The following PHF10 variants were observed in gnomAD, a reference collection of about 807,000 sequenced individuals.
PHF10 encodes BRG1-associated factor 45a.
Under a neutral mutation model 68.5 loss-of-function variants are expected in PHF10, and 51 were observed. That is an observed-to-expected ratio of 0.74 (90% CI 0.59 to 0.94). The LOEUF (loss-of-function observed/expected upper bound fraction) is 0.94. Ranked by LOEUF, PHF10 falls within the 40% of genes least tolerant of loss-of-function variation. The pLI, the probability that PHF10 is intolerant of heterozygous loss-of-function variation, is 0.00. For synonymous variants in PHF10, 204 were observed against 203.5 expected, an observed-to-expected ratio of 1.00 and a Z score of -0.02; for missense variants, 460 against 602.6, an observed-to-expected ratio of 0.76 and a Z score of 2.48.
rs1165245368 is a variant in PHF10 at position 169,714,853 on chromosome 6, A to G, written c.694-11T>C. On this transcript the variant is annotated splice_polypyrimidine_tract_variant and intron_variant, in intron 6 of 11. Transcript: ENST00000339209. ...AGGTACCTGGATAACCTACGTTAAC[A>G]TAAAGAGAAACACAAAACTGATTCC... 1.8e-5 allele frequency: 23 copies of G among 1,308,374 alleles called. No individual in the cohort carries two copies. Among genetic ancestry groups the G allele is most frequent in the African/African-American group, 4.4e-5 (3 of 68,898 alleles). The allele number at this position is 1,308,374 out of a possible 1,614,324, so 81.0% of individuals were successfully genotyped here.
At chr6:169,716,977 G>A (rs760810267) in intron 4 of PHF10, among the ~76,000 whole-genome samples, 2 of 152,200 alleles carry the variant, frequency 1.3e-5, no homozygotes, top group African/African-American at 2.4e-5. Flanking sequence ...ACAAGGGCTG[G>A]GCATGGTGGC....
chr6:169,707,180 A>G (rs1788821197), intron 9 of PHF10: 1 of 151,894 alleles, frequency 6.6e-6, no homozygotes, highest in Non-Finnish European at 1.5e-5. Flanking sequence ...CTATTAAACT[A>G]ATCTCCTGTA....
At chr6:169,710,844 A>G (rs918342578) in intron 8 of PHF10, among the ~76,000 whole-genome samples, 18 of 152,160 alleles carry the variant, frequency 1.2e-4, no homozygotes, top group African/African-American at 3.9e-4. Flanking sequence ...GTTAGGAAAA[A>G]AAAAAAAAAG....
chr6:169,719,821 T>C (rs1789135255), intron 2 of PHF10, among the ~76,000 whole-genome samples: 1 of 151,920 alleles, frequency 6.6e-6, no homozygotes, highest in Non-Finnish European at 1.5e-5. Flanking sequence ...AAAAAATAGA[T>C]GAAAAATTTG....
intron 2 of PHF10, among the ~76,000 whole-genome samples, chr6:169,720,289 T>C (rs1789146266): frequency 6.6e-6 from 1 of 152,146 alleles, no homozygotes; most frequent in Admixed American, 6.5e-5. Context: ...GATTACCATA[T>C]AATCCAGCTA....
chr6:169,706,486 C>T (rs1490058527), intron 9 of PHF10, among the ~76,000 whole-genome samples: 1 of 152,088 alleles, frequency 6.6e-6, no homozygotes, highest in Non-Finnish European at 1.5e-5. Flanking sequence ...TAAAAACATG[C>T]ATGGTCCAGT....
intron 2 of PHF10, among the ~76,000 whole-genome samples, chr6:169,720,048 A>T (rs1458265883): frequency 6.6e-6 from 1 of 152,140 alleles, no homozygotes; most frequent in Non-Finnish European, 1.5e-5. Context: ...CAAATGGCCA[A>T]GCAGATGAAA....
chr6:169,714,880 T>C (rs1296152055), intron 6 of PHF10, 38 bp from the exon 7 acceptor site: 8 of 1,024,964 alleles, frequency 7.8e-6, no homozygotes, highest in East Asian at 2.4e-5. Context: ...ACTGATTCCA[T>C]GCTAAGAATC....
intron 9 of PHF10, chr6:169,709,003 G>T (rs1334828596): frequency 6.6e-6 from 1 of 151,934 alleles, no homozygotes; most frequent in Non-Finnish European, 1.5e-5. Context: ...CATAGCTGCA[G>T]CCTATTGCAG....
At chr6:169,708,205 T>C in intron 9 of PHF10, 1 of 152,202 alleles carries the variant, frequency 6.6e-6, no homozygotes, top group East Asian at 1.9e-4. Flanking sequence ...CTTTTCTACT[T>C]GAAAAACAGC....
Position 169,703,951 on chromosome 6 carries a change from G to T in PHF10, c.*52C>A. On this transcript the variant is annotated 3_prime_UTR_variant, in exon 12 of 12. Coordinates refer to ENST00000339209, the MANE Select transcript of PHF10 (RefSeq NM_018288.4). ...TGGCATGAAAATAATGTTGTAAATGGCACCAAATATTCCACTTAAATGCAT... is the reference window on the plus strand; with the variant it reads ...TGGCATGAAAATAATGTTGTAAATGTCACCAAATATTCCACTTAAATGCAT... The T allele has an allele frequency of 7.4e-7, 1 of 1,343,892 alleles. No individual in the cohort carries two copies. The highest frequency in any genetic ancestry group is 1.0e-6 in the Non-Finnish European group (1 of 981,406). The allele number at this position is 1,343,892 out of a possible 1,614,324, so 83.2% of individuals were successfully genotyped here. A position where few individuals can be genotyped will look rare whatever the true frequency, so the allele number is the denominator to read the frequency against.
Position 169,712,503 on chromosome 6 carries a change from G to A in PHF10, c.840C>T (p.Asn280=). The A allele has an allele frequency of 6.2e-7, 1 of 1,613,774 alleles. No individual in the cohort carries two copies. Among genetic ancestry groups the A allele is most frequent in the Non-Finnish European group, 8.5e-7 (1 of 1,179,794 alleles). The change falls in exon 8 of 12, where the codon AAC becomes AAT. Residue 280 remains asparagine, a synonymous_variant. Transcript: ENST00000339209. The stretch of plus-strand genomic sequence containing the variant: ...CCAGAGGGGGCTCATACAGGGCTGT[G>A]TTTAATGGCAGATACCGCAGCTCAT... ...SPDELRYLPL[N]TALYEPPLDP...
chr6:169,719,210 A>C (rs1284342313), intron 2 of PHF10: 1 of 237,454 alleles, frequency 4.2e-6, no homozygotes, highest in Non-Finnish European at 8.2e-6. Flanking sequence ...CTATGAGGGC[A>C]AAGCAAGGTG....
Position 169,710,409 on chromosome 6 carries a change from A to G in PHF10, c.958-18T>C. ...GAGCTGTCCTGGAGTTTAAAAGGCA[A>G]AAACAAAGATTCTTTGGAATTAAGA... is the stretch of plus-strand genomic sequence containing the variant. On this transcript the variant is annotated intron_variant, in intron 8 of 11. Coordinates refer to ENST00000339209, the MANE Select transcript of PHF10 (RefSeq NM_018288.4). 1.9e-6 allele frequency: 3 copies of G among 1,594,488 alleles called. No individual in the cohort carries two copies. The highest frequency in any genetic ancestry group is 2.6e-6 in the Non-Finnish European group (3 of 1,166,684).
At chr6:169,712,334 C>T in intron 8 of PHF10, 52 bp downstream of exon 8, 2 of 1,506,810 alleles carry the variant, frequency 1.3e-6, no homozygotes, top group Non-Finnish European at 1.8e-6. Context: ...TTCAATGTAA[C>T]AAAAATTCAA....
At chr6:169,705,002 A>G (rs1267453533) in intron 11 of PHF10, 131 bp downstream of exon 11, 5 of 583,064 alleles carry the variant, frequency 8.6e-6, no homozygotes, top group Non-Finnish European at 1.5e-5. Flanking sequence ...CTGTATAATC[A>G]CAGCTTTGGT....
At chr6:169,707,173 T>A (rs754051257) in intron 9 of PHF10, 1 of 151,994 alleles carries the variant, frequency 6.6e-6, no homozygotes, top group Non-Finnish European at 1.5e-5. Context: ...AACTTTACTA[T>A]TAAACTAATC....
intron 8 of PHF10, among the ~76,000 whole-genome samples, chr6:169,711,429 T>A (rs1788924894): frequency 6.6e-6 from 1 of 152,240 alleles, no homozygotes; most frequent in South Asian, 2.1e-4. Context: ...ATTAAAATTT[T>A]TCAGCATCTG....
Position 169,723,835 on chromosome 6 carries a change from G to A in PHF10, c.87+10C>T, listed in dbSNP as rs1789249232. On this transcript the variant is annotated intron_variant, in intron 1 of 11. Transcript: ENST00000339209. ...GGGTCAGGGTCGGGTCGCACCGGCC[G>A]CTTCCTCACCTTCGGGGACTGCGCT... 4 of 1,019,866 alleles carry A rather than the reference G, an allele frequency of 3.9e-6. No individual in the cohort carries two copies. The highest frequency in any genetic ancestry group is 3.6e-6 in the Non-Finnish European group (3 of 823,424). 63.2% of individuals were successfully genotyped at this position (1,019,866 alleles called of 1,614,324 possible).
Sources: gnomAD v4.1 joint callset for allele counts (sites outside exome capture counted in the v4.1 genomes callset) on GRCh38, gnomAD v4.1.1 for gene constraint, MANE v1.5 for transcripts, NCBI Gene and HGNC (gene_info 2026-07-23, HGNC 2026-07-21) for gene names.